The following RUVBL1 variants were observed in gnomAD, a reference collection of about 807,000 sequenced individuals.
RUVBL1 encodes the protein RuvB like AAA ATPase 1.
Under a neutral mutation model 52.4 loss-of-function variants are expected in RUVBL1, and 4 were observed. That is an observed-to-expected ratio of 0.08 (90% CI 0.04 to 0.17). The LOEUF (loss-of-function observed/expected upper bound fraction) is 0.17, where lower values mean the gene tolerates loss of function less well. RUVBL1 is among the 10% of genes least tolerant of loss of function. RUVBL1 has a pLI of 1.00. For synonymous variants in RUVBL1, 217 were observed against 214.4 expected, an observed-to-expected ratio of 1.01 and a Z score of -0.10; for missense variants, 298 against 572.8, an observed-to-expected ratio of 0.52 and a Z score of 4.90.
At position 128,109,809 on chromosome 3, in the gene RUVBL1, A is replaced by AT. The variant is rs60187195; in HGVS notation, c.361+3078dup. ...GCCATCAGGCCTGGCCTCTCTGTAA[A>AT]TTTTTTTTTTTTTTTTTTTTTTTTT... On this transcript the variant is annotated intron_variant, in intron 3 of 10. Transcript: ENST00000322623. Among the ~76,000 whole-genome samples the AT allele has an allele frequency of 6.5e-3, 523 of 80,454 alleles. 81 individuals are homozygous for AT. The highest frequency in any genetic ancestry group is 0.016 in the African/African-American group (317 of 19,678). The allele number at this position is 80,454 out of a possible 152,430, so 52.8% of individuals were successfully genotyped here.
intron 1 of RUVBL1, among the ~76,000 whole-genome samples, chr3:128,152,320 T>G (rs771920590): frequency 1.3e-5 from 2 of 152,186 alleles, no homozygotes; most frequent in Non-Finnish European, 2.9e-5. Context: ...AGGGTGAGAA[T>G]TTCTGAGTCA....
chr3:128,122,369 G>A (rs1242198738), intron 1 of RUVBL1, among the ~76,000 whole-genome samples: 1 of 152,176 alleles, frequency 6.6e-6, no homozygotes, highest in Non-Finnish European at 1.5e-5. Context: ...ATAGAATTTA[G>A]GCACACAAGT....
intron 3 of RUVBL1, among the ~76,000 whole-genome samples, chr3:128,107,241 C>T (rs1943264423): frequency 6.6e-6 from 1 of 152,196 alleles, no homozygotes. Flanking sequence ...CTACTTGCTT[C>T]CAAATCCTAG....
chr3:128,144,344 A>C (rs1944072851), intron 1 of RUVBL1, among the ~76,000 whole-genome samples: 1 of 152,238 alleles, frequency 6.6e-6, no homozygotes, highest in East Asian at 1.9e-4. Flanking sequence ...AGTTGAATTA[A>C]TTACTAGCTG....
intron 1 of RUVBL1, among the ~76,000 whole-genome samples, chr3:128,150,092 T>C (rs950376848): frequency 6.6e-6 from 1 of 152,184 alleles, no homozygotes; most frequent in Non-Finnish European, 1.5e-5. Flanking sequence ...TTCTCTTGCA[T>C]CTTTGTCAGC....
At chr3:128,150,655 C>A (rs1437778139) in intron 1 of RUVBL1, among the ~76,000 whole-genome samples, 3 of 129,666 alleles carry the variant, frequency 2.3e-5, no homozygotes, top group Non-Finnish European at 4.7e-5. Flanking sequence ...ATATTCTATA[C>A]ATATTCTATA....
chr3:128,094,941 C>T (rs1197782467), intron 8 of RUVBL1, among the ~76,000 whole-genome samples: 1 of 152,196 alleles, frequency 6.6e-6, no homozygotes, highest in Non-Finnish European at 1.5e-5. Flanking sequence ...GAACATAGTG[C>T]CAAAATTCTC....
intron 1 of RUVBL1, among the ~76,000 whole-genome samples, chr3:128,141,700 T>C (rs1944023224): frequency 6.6e-6 from 1 of 152,178 alleles, no homozygotes; most frequent in Non-Finnish European, 1.5e-5. Flanking sequence ...TTCACCATAT[T>C]GGTCAGGCTG....
At chr3:128,065,263 G>T (rs1046236980) in intron 9 of RUVBL1, 3 of 624,568 alleles carry the variant, frequency 4.8e-6, no homozygotes, top group East Asian at 2.7e-5. Context: ...TAACGTAAGT[G>T]AAATCATGTT....
intron 9 of RUVBL1, chr3:128,069,454 C>A: frequency 6.2e-7 from 1 of 1,602,770 alleles, no homozygotes; most frequent in Non-Finnish European, 8.5e-7. Context: ...TGTCCAGGAG[C>A]TGACTGTGTC....
chr3:128,142,869 C>T (rs1309338892), intron 1 of RUVBL1, among the ~76,000 whole-genome samples: 2 of 152,172 alleles, frequency 1.3e-5, no homozygotes, highest in East Asian at 3.8e-4. Context: ...CAACTTCTGC[C>T]TGCCAGGTTT....
intron 2 of RUVBL1, among the ~76,000 whole-genome samples, chr3:128,119,066 T>A (rs1943586749): frequency 6.6e-6 from 1 of 152,128 alleles, no homozygotes; most frequent in Non-Finnish European, 1.5e-5. Flanking sequence ...AAAGGAGACT[T>A]GAAAGAGAAA....
intron 9 of RUVBL1, among the ~76,000 whole-genome samples, chr3:128,072,749 G>A (rs1942201798): frequency 6.6e-6 from 1 of 152,148 alleles, no homozygotes; most frequent in Non-Finnish European, 1.5e-5. Flanking sequence ...GAAGCAGTAG[G>A]CCATCTCTCG....
In RUVBL1 at chr3:128,081,273, G is replaced by T; in HGVS notation, c.1348C>A (p.Gln450Lys). The T allele has an allele frequency of 3.1e-6, 5 of 1,614,152 alleles. No individual in the cohort carries two copies. The highest frequency in any genetic ancestry group is 4.2e-6 in the Non-Finnish European group (5 of 1,180,012). ...TCTCACTTCATGTACTTATCCTGCT[G>T]GTCAGCCAGGATTTTGGCGGAGGAC... ...AKSSAKILAD[Q>K]QDKYMK is the part of the protein sequence containing the mutation. The change falls in exon 11 of 11, where the codon CAG becomes AAG. Residue 450 changes from glutamine to lysine, a missense_variant. Transcript: ENST00000322623. This position sits in a 1 kb window ranked among gnomAD's most constrained non-coding sequence, Gnocchi z 4.8.
intron 2 of RUVBL1, among the ~76,000 whole-genome samples, chr3:128,118,976 A>AT (rs1024117904): frequency 6.6e-6 from 1 of 152,118 alleles, no homozygotes; most frequent in African/African-American, 2.4e-5. Context: ...TGCTTGACTC[A>AT]TTTTTTTGTC....
intron 9 of RUVBL1, chr3:128,066,904 C>T (rs745371940): frequency 6.3e-7 from 1 of 1,579,976 alleles, no homozygotes; most frequent in Non-Finnish European, 8.7e-7. Flanking sequence ...TTCTGTGCAG[C>T]AGGCTGAAAT....
intron 1 of RUVBL1, among the ~76,000 whole-genome samples, chr3:128,120,569 T>C (rs1943620564): frequency 6.6e-6 from 1 of 152,154 alleles, no homozygotes; most frequent in African/African-American, 2.4e-5. Context: ...GATTACATAA[T>C]ATAAGGTTTG....
intron 8 of RUVBL1, among the ~76,000 whole-genome samples, chr3:128,095,863 C>A (rs560631877): frequency 6.6e-6 from 1 of 152,168 alleles, no homozygotes; most frequent in Non-Finnish European, 1.5e-5. Context: ...CTCAAGCAAT[C>A]TTCCCGCCTC....
At chr3:128,075,576 A>G (rs1480564732) in intron 9 of RUVBL1, among the ~76,000 whole-genome samples, 1 of 151,584 alleles carries the variant, frequency 6.6e-6, no homozygotes, top group Non-Finnish European at 1.5e-5. Context: ...CGGGACTTCA[A>G]CCTCGCTTGC....
Sources: allele counts gnomAD v4.1 joint callset (sites outside exome capture counted in the v4.1 genomes callset), GRCh38; gene constraint gnomAD v4.1.1; non-coding constraint Gnocchi (gnomAD v3.1); transcripts MANE v1.5; gene names NCBI Gene and HGNC (gene_info 2026-07-23, HGNC 2026-07-21).